The following ASH1L variants were observed in gnomAD, a reference collection of about 807,000 sequenced individuals.
The protein encoded by ASH1L is histone-lysine N-methyltransferase ASH1L.
A neutral mutation model predicts 269.0 loss-of-function variants in ASH1L; 23 were observed. The ratio of observed to expected loss-of-function variants is 0.09; its 90% CI spans 0.06 to 0.12. The LOEUF is 0.12. Among genes scored for constraint, ASH1L ranks in the 10% least tolerant of loss-of-function variants. ASH1L has a pLI of 1.00. For synonymous variants in ASH1L, 1,187 were observed against 1,253.5 expected (o/e 0.95, Z 1.12); for missense variants, 2,912 against 3,567.8 (o/e 0.82, Z 4.68).
At chr1:155,468,792 G>A (rs1376079405) in intron 3 of ASH1L, among the ~76,000 whole-genome samples, 3 of 151,960 alleles carry the variant, frequency 2.0e-5, no homozygotes, top group African/African-American at 4.8e-5. Flanking sequence ...ACTGAAGACC[G>A]AGAAGATCAC....
Position 155,335,594 on chromosome 1 carries a change from A to C in ASH1L, c.*2066T>G, listed in dbSNP as rs1652243479. ...GTTATTATAAAATAACTGAAAAATA[A>C]AAAAAGGCATTAATTTCTACACCAG... is the stretch of plus-strand genomic sequence containing the variant. On this transcript the variant is annotated 3_prime_UTR_variant, in exon 28 of 28. Coordinates refer to ENST00000392403, the MANE Select transcript of ASH1L (RefSeq NM_018489.3). The C allele has an allele frequency of 6.5e-6, 1 of 152,736 alleles. No homozygotes were observed. The highest frequency in any genetic ancestry group is 2.4e-5 in the African/African-American group (1 of 41,440). The allele number at this position is 152,736 out of a possible 1,614,324, so 9.5% of individuals were successfully genotyped here. A position where few individuals can be genotyped will look rare whatever the true frequency, so the allele number is the denominator to read the frequency against.
intron 4 of ASH1L, among the ~76,000 whole-genome samples, chr1:155,454,954 T>C (rs1316578493): frequency 6.6e-6 from 1 of 152,090 alleles, no homozygotes; most frequent in Non-Finnish European, 1.5e-5. Context: ...AATAAAATTA[T>C]AAAAGAACTA....
intron 1 of ASH1L, among the ~76,000 whole-genome samples, chr1:155,551,752 A>C (rs1671230795): frequency 6.7e-6 from 1 of 150,054 alleles, no homozygotes; most frequent in Non-Finnish European, 1.5e-5. Flanking sequence ...GGTGGATCAC[A>C]AGGTCAAGAA....
At position 155,347,768 on chromosome 1, in the gene ASH1L, T is replaced by G; in HGVS notation, c.7691A>C (p.Glu2564Ala). 1.2e-6 allele frequency: 2 copies of G among 1,614,258 alleles called. No individual in the cohort carries two copies. The highest frequency in any genetic ancestry group is 1.7e-6 in the Non-Finnish European group (2 of 1,180,040). ...GETASEADSS[E>A]TSVSEKENGH... The stretch of plus-strand genomic sequence containing the variant: ...ATTCTCCTTTTCAGAGACTGAGGTC[T>G]CACTGCTGTCTGCCTCACTTGCTGT... Residue 2564 changes from glutamate (E) to alanine (A), a missense_variant, in exon 20 of 28, where the codon GAG (glutamate) becomes GCG (alanine). By Grantham distance (107) the Glu-to-Ala change is moderately radical. Around this residue, in one of 13 missense-constraint regions of ASH1L, gnomAD observed 309 missense variants for 435.1 expected, o/e 0.71. Transcript: ENST00000392403.
At chr1:155,439,922 A>G (rs1478707006) in intron 4 of ASH1L, among the ~76,000 whole-genome samples, 2 of 151,402 alleles carry the variant, frequency 1.3e-5, no homozygotes, top group African/African-American at 4.9e-5. Context: ...ACTTTCTTCA[A>G]ATAATATCCA....
intron 17 of ASH1L, 151 bp downstream of exon 17, chr1:155,352,555 A>G: frequency 1.5e-6 from 1 of 646,526 alleles, no homozygotes; most frequent in East Asian, 3.4e-5. Flanking sequence ...CTGTAATCCC[A>G]GCACTTTGGG....
At chr1:155,524,414 C>T (rs571135860) in intron 1 of ASH1L, among the ~76,000 whole-genome samples, 2 of 150,638 alleles carry the variant, frequency 1.3e-5, no homozygotes, top group East Asian at 2.0e-4. Flanking sequence ...CCTAGCTACT[C>T]GGAAGGCTGA....
In ASH1L at chr1:155,562,392, C is replaced by T. The variant is rs1244595218; in HGVS notation, c.-339G>A. On this transcript the variant is annotated 5_prime_UTR_variant, in exon 1 of 28. Transcript: ENST00000392403. ...CCGCAACCGAGACTGGGATCGTCTC[C>T]CCTCCGCAAAGCGAACCCAAAATGG... 2 of 1,501,060 alleles carry T rather than the reference C, an allele frequency of 1.3e-6. No individual in the cohort carries two copies. Among genetic ancestry groups the T allele is most frequent in the East Asian group, 2.4e-5 (1 of 40,918 alleles). The allele number at this position is 1,501,060 out of a possible 1,614,324, so 93.0% of individuals were successfully genotyped here. A position where few individuals can be genotyped will look rare whatever the true frequency, so the allele number is the denominator to read the frequency against.
chr1:155,340,599 G>C (rs1475995690), intron 25 of ASH1L, among the ~76,000 whole-genome samples: 1 of 152,012 alleles, frequency 6.6e-6, no homozygotes, highest in African/African-American at 2.4e-5. Flanking sequence ...ACAGATGAAT[G>C]GATGATCAAA....
chr1:155,477,773 A>AC (rs1665666475), intron 3 of ASH1L, 113 bp downstream of exon 3: 1 of 1,018,244 alleles, frequency 9.8e-7, no homozygotes, highest in South Asian at 3.2e-5. Context: ...AAATACACTT[A>AC]TTAAAAAACA....
chr1:155,357,878 C>G lies in ASH1L; in HGVS notation c.6796-129G>C, dbSNP rs1054947191. The G allele has an allele frequency of 5.7e-5, 48 of 846,914 alleles. 1 individual carries two copies. The East Asian group carries it at 1.3e-3, about 23-fold the overall frequency. 52.5% of individuals were successfully genotyped at this position (846,914 alleles called of 1,614,324 possible). A position where few individuals can be genotyped will look rare whatever the true frequency, so the allele number is the denominator to read the frequency against. ...CTCAACCTCCTGGGCTCAACTGATC[C>G]TCCTATCTCAGCCTCCCCAGTAGCT... is the stretch of plus-strand genomic sequence containing the variant. On this transcript the variant is annotated intron_variant, in intron 13 of 27. Transcript: ENST00000392403.
At chr1:155,340,539 T>TA (rs1652699712) in intron 25 of ASH1L, among the ~76,000 whole-genome samples, 1 of 151,992 alleles carries the variant, frequency 6.6e-6, no homozygotes, top group Non-Finnish European at 1.5e-5. Flanking sequence ...ACAGGCCCAC[T>TA]AAAAGAAGAC....
At chr1:155,476,768 T>A (rs1439818907) in intron 3 of ASH1L, among the ~76,000 whole-genome samples, 1 of 151,956 alleles carries the variant, frequency 6.6e-6, no homozygotes, top group Non-Finnish European at 1.5e-5. Context: ...TTAACCAGGA[T>A]GGTCTCGATC....
intron 6 of ASH1L, among the ~76,000 whole-genome samples, chr1:155,411,591 ATATATATATATATATAT>A (rs1659800041): frequency 9.3e-5 from 4 of 42,872 alleles, no homozygotes; most frequent in East Asian, 5.6e-4. Context: ...AAATAAATAT[ATATATATATATATATAT>A]ATATATATAT....
intron 13 of ASH1L, among the ~76,000 whole-genome samples, chr1:155,359,685 C>T (rs1344071440): frequency 6.6e-6 from 1 of 152,160 alleles, no homozygotes; most frequent in Non-Finnish European, 1.5e-5. Context: ...AAGCAATCTT[C>T]CCACCTCAGC....
intron 5 of ASH1L, among the ~76,000 whole-genome samples, chr1:155,437,886 G>C (rs564290414): frequency 6.6e-6 from 1 of 152,114 alleles, no homozygotes; most frequent in Non-Finnish European, 1.5e-5. Flanking sequence ...ACAGGGTCTC[G>C]CTCTGTCGCC....
intron 2 of ASH1L, among the ~76,000 whole-genome samples, chr1:155,496,303 A>G (rs1222372828): frequency 6.6e-6 from 1 of 152,246 alleles, no homozygotes; most frequent in East Asian, 1.9e-4. Flanking sequence ...TTTCAGCTCC[A>G]TTATACTCTT....
At chr1:155,389,342 ATATATT>A (rs1280314854) in intron 7 of ASH1L, among the ~76,000 whole-genome samples, 1 of 152,024 alleles carries the variant, frequency 6.6e-6, no homozygotes, top group African/African-American at 2.4e-5. Flanking sequence ...ACTTGGAGAT[ATATATT>A]TATATTATCT....
intron 4 of ASH1L, among the ~76,000 whole-genome samples, chr1:155,454,861 T>C (rs1247079407): frequency 6.6e-6 from 1 of 152,220 alleles, no homozygotes; most frequent in Non-Finnish European, 1.5e-5. Context: ...CATAAGTTCC[T>C]TGGTATTATG....
Sources: gnomAD v4.1 joint callset for allele counts (sites outside exome capture counted in the v4.1 genomes callset) on GRCh38, gnomAD v4.1.1 for gene constraint, gnomAD v4.1.1 regional missense constraint, MANE v1.5 for transcripts, NCBI Gene and HGNC (gene_info 2026-07-23, HGNC 2026-07-21) for gene names.